ATAD5: variants seen among roughly 807,000 people sequenced by gnomAD.
The protein encoded by ATAD5 is ATPase family AAA domain-containing protein 5.
In ATAD5, 58 loss-of-function variants were observed where a neutral mutation model predicts 176.9. The observed-to-expected ratio is 0.33, with a 90% confidence interval of 0.27 to 0.41. The LOEUF is 0.41. ATAD5 is among the 10% of genes least tolerant of loss of function. ATAD5 has a pLI of 1.00. For missense variants in ATAD5, 1,789 were observed against 2,094.1 expected, an observed-to-expected ratio of 0.85 and a Z score of 2.84; for synonymous variants, 640 against 712.6, an observed-to-expected ratio of 0.90 and a Z score of 1.62.
chr17:30,836,196 T>G, intron 2 of ATAD5, 148 bp downstream of exon 2: 1 of 753,760 alleles, frequency 1.3e-6, no homozygotes, highest in Non-Finnish European at 1.9e-6. Flanking sequence ...TTTTTTTCTT[T>G]GAGATGGAGT....
chr17:30,856,291 T>C (rs532502226), intron 7 of ATAD5, among the ~76,000 whole-genome samples: 8 of 152,324 alleles, frequency 5.3e-5, no homozygotes, highest in African/African-American at 1.7e-4. Context: ...ATTATAATTA[T>C]CACCCTCACT....
chr17:30,886,317 T>C (rs1909319637), intron 18 of ATAD5, among the ~76,000 whole-genome samples: 1 of 151,504 alleles, frequency 6.6e-6, no homozygotes, highest in African/African-American at 2.4e-5. Flanking sequence ...TTGATATACT[T>C]CATCAGTGAA....
intron 11 of ATAD5, among the ~76,000 whole-genome samples, chr17:30,866,265 T>G (rs1443112650): frequency 6.9e-6 from 1 of 144,440 alleles, no homozygotes; most frequent in African/African-American, 2.5e-5. Context: ...TGGCACGATC[T>G]TGGCTCACTA....
intron 5 of ATAD5, 27 bp downstream of exon 5, chr17:30,844,066 T>G: frequency 1.4e-6 from 2 of 1,469,620 alleles, no homozygotes; most frequent in Non-Finnish European, 1.8e-6. Flanking sequence ...ATATTTATGA[T>G]GTATATTAGA....
intron 14 of ATAD5, 40 bp from the exon 15 acceptor site, chr17:30,876,334 T>C (rs750315515): frequency 6.5e-7 from 1 of 1,527,720 alleles, no homozygotes; most frequent in Non-Finnish European, 8.8e-7. Context: ...TGTATGATTT[T>C]TAGAATATTT....
Position 30,879,625 on chromosome 17 carries a change from C to G in ATAD5, c.4077+138C>G, listed in dbSNP as rs1221291770. The G allele has an allele frequency of 2.6e-5, 19 of 730,406 alleles. No homozygotes were observed. In the Admixed American group the frequency reaches 2.9e-4, roughly 11 times the overall value. 45.2% of individuals were successfully genotyped at this position (730,406 alleles called of 1,614,324 possible). A position where few individuals can be genotyped will look rare whatever the true frequency, so the allele number is the denominator to read the frequency against. On this transcript the variant is annotated intron_variant, in intron 18 of 22. Transcript: ENST00000321990. ...TCGCCCAGGCTGGAGTGCAGTGGCG[C>G]GATCTTGGCTCACTGCAAGCTCCGC...
Position 30,877,440 on chromosome 17 carries a change from A to C in ATAD5, c.3809A>C (p.Lys1270Thr). The change falls in exon 16 of 23, where the codon AAA (lysine) becomes ACA (threonine). Residue 1270 changes from lysine (K) to threonine (T), a missense_variant. Coordinates refer to ENST00000321990, the MANE Select transcript of ATAD5 (RefSeq NM_024857.5). Reference sequence around the variant, plus strand: ...GGAATAAAAAATTCTTTTGAACAGAAACAAATTACTCAGACTAAATCTACA... The same window carrying C: ...GGAATAAAAAATTCTTTTGAACAGACACAAATTACTCAGACTAAATCTACA... Reference protein sequence around the residue: ...NKGIKNSFEQKQITQTKSTNA... With the variant: ...NKGIKNSFEQTQITQTKSTNA... The C allele has an allele frequency of 6.5e-7, 1 of 1,545,542 alleles. No homozygotes were observed. The highest frequency in any genetic ancestry group is 8.9e-7 in the Non-Finnish European group (1 of 1,127,896).
intron 4 of ATAD5, among the ~76,000 whole-genome samples, chr17:30,842,455 G>A (rs1906184381): frequency 6.6e-6 from 1 of 151,902 alleles, no homozygotes; most frequent in South Asian, 2.1e-4. Flanking sequence ...TCTGCTCATG[G>A]GCTAGCTCTC....
At position 30,850,815 on chromosome 17, in the gene ATAD5, ATTTATATTTATATATT is replaced by A. The variant is rs1348148467; in HGVS notation, c.2451-4320_2451-4305del. ...AAATCATTATTTTAAAGAAATTATT[ATTTATATTTATATATT>A]TTTATATATATATATATATATATAT... On this transcript the variant is annotated intron_variant, in intron 6 of 22. Coordinates refer to ENST00000321990, the MANE Select transcript of ATAD5 (RefSeq NM_024857.5). Among the ~76,000 whole-genome samples the A allele has an allele frequency of 1.5e-3, 140 of 90,844 alleles. 2 individuals are homozygous for A. The highest frequency in any genetic ancestry group is 6.7e-3 in the African/African-American group (135 of 20,142). The allele number at this position is 90,844 out of a possible 152,430, so 59.6% of individuals were successfully genotyped here.
chr17:30,888,694 G>T (rs1909454921), intron 19 of ATAD5, among the ~76,000 whole-genome samples: 1 of 151,956 alleles, frequency 6.6e-6, no homozygotes, highest in South Asian at 2.1e-4. Context: ...ACCTAAAAAA[G>T]GAGAGATCTG....
Position 30,869,376 on chromosome 17 carries a change from G to C in ATAD5, c.3442G>C (p.Glu1148Gln). 2 of 1,613,298 alleles carry C rather than the reference G, an allele frequency of 1.2e-6. No individual in the cohort carries two copies. The highest frequency in any genetic ancestry group is 2.7e-5 in the African/African-American group (2 of 74,958). Residue 1148 changes from glutamate to glutamine, a missense_variant, in exon 13 of 23, where the codon GAG becomes CAG. By Grantham distance (29) the Glu-to-Gln change is conservative. Coordinates refer to ENST00000321990, the MANE Select transcript of ATAD5 (RefSeq NM_024857.5). ...KTAAVYACAQELGFKIFEVNA... is the reference protein window; with the variant it reads ...KTAAVYACAQQLGFKIFEVNA... ...TGCTGCAGTGTATGCTTGTGCCCAG[G>C]AGCTTGGATTTAAGGTTAGTAACAG... is the stretch of plus-strand genomic sequence containing the variant.
chr17:30,841,082 T>C (rs984574185), intron 4 of ATAD5, among the ~76,000 whole-genome samples: 3 of 151,998 alleles, frequency 2.0e-5, no homozygotes, highest in Non-Finnish European at 4.4e-5. Context: ...GGATCTCGGC[T>C]CACTGCAACT....
In ATAD5 at chr17:30,860,607, C is replaced by T. The variant is rs775048331; in HGVS notation, c.3131C>T (p.Ser1044Phe). The T allele has an allele frequency of 1.3e-6, 2 of 1,559,348 alleles. No homozygotes were observed. Among genetic ancestry groups the T allele is most frequent in the African/African-American group, 2.8e-5 (2 of 71,688 alleles). ...TCTTCTGGGATAAAGCTAGATTCTT[C>T]CAAAGGTATATTTTCTAAAACATCC... Reference protein sequence around the residue: ...NNSSGIKLDSSKDSGTEDMLW... With the variant: ...NNSSGIKLDSFKDSGTEDMLW... The change falls in exon 10 of 23, where the codon TCC becomes TTC. Residue 1044 changes from serine (S) to phenylalanine (F), a missense_variant. This residue lies in a region of ATAD5 where 487 missense variants were observed against 573.6 expected (regional missense o/e 0.85). Transcript: ENST00000321990.
At chr17:30,837,412 TAA>T in intron 3 of ATAD5, 98 bp downstream of exon 3, 4 of 780,108 alleles carry the variant, frequency 5.1e-6, no homozygotes, top group Non-Finnish European at 8.3e-6. Context: ...TGAGCCAAAA[TAA>T]AATTCATGTA....
intron 6 of ATAD5, among the ~76,000 whole-genome samples, chr17:30,849,506 T>C (rs1293677278): frequency 2.6e-5 from 4 of 152,248 alleles, no homozygotes; most frequent in Non-Finnish European, 4.4e-5. Flanking sequence ...TTTGAATGGC[T>C]ATGTAGTCAT....
At chr17:30,877,727 T>C (rs1908754784) in intron 16 of ATAD5, among the ~76,000 whole-genome samples, 178 bp downstream of exon 16, 1 of 152,186 alleles carries the variant, frequency 6.6e-6, no homozygotes, top group Non-Finnish European at 1.5e-5. Flanking sequence ...AGGAAGATGA[T>C]TAATGTAATT....
chr17:30,873,034 T>C (rs1908432093), intron 14 of ATAD5, among the ~76,000 whole-genome samples: 1 of 149,656 alleles, frequency 6.7e-6, no homozygotes, highest in Non-Finnish European at 1.5e-5. Flanking sequence ...AAAAGTGTTA[T>C]TTCATATATT....
rs11650973 is a variant in ATAD5, at chr17:30,887,027, G to A, written c.4078-165G>A. ...TACATGTAAATGCTTTTAATTTAAT[G>A]GTATATTCCCTTATATTTTTAAAGC... On this transcript the variant is annotated intron_variant, in intron 18 of 22. Transcript: ENST00000321990. 0.13 allele frequency among the ~76,000 whole-genome samples: 19,989 copies of A among 151,994 alleles called. 1,435 individuals carry two copies. Among genetic ancestry groups the A allele is most frequent in the South Asian group, 0.24 (1,174 of 4,824 alleles).
chr17:30,884,032 T>C (rs1448336030), intron 18 of ATAD5, among the ~76,000 whole-genome samples: 2 of 152,204 alleles, frequency 1.3e-5, no homozygotes, highest in Non-Finnish European at 2.9e-5. Flanking sequence ...ACTGAAATTC[T>C]ACGCTTGTTA....
Sources: gnomAD v4.1 joint callset for allele counts (sites outside exome capture counted in the v4.1 genomes callset) on GRCh38, gnomAD v4.1.1 for gene constraint, gnomAD v4.1.1 regional missense constraint, MANE v1.5 for transcripts, NCBI Gene and HGNC (gene_info 2026-07-23, HGNC 2026-07-21) for gene names.